The following CCSER1 variants were observed in gnomAD, a reference collection of about 807,000 sequenced individuals.
CCSER1 encodes coiled-coil serine rich protein 1, also known as serine-rich coiled-coil domain-containing protein 1.
CCSER1 carries 41 observed loss-of-function variants against 82.0 expected under a neutral mutation model. That is an observed-to-expected ratio of 0.50 (90% CI 0.39 to 0.65). The LOEUF is 0.65. Ranked by LOEUF, CCSER1 falls within the 30% of genes least tolerant of loss-of-function variation. CCSER1 has a pLI of 0.00. For synonymous variants in CCSER1, 414 were observed against 383.9 expected (o/e 1.08, Z -0.92); for missense variants, 1,119 against 1,064.2 (o/e 1.05, Z -0.72).
intron 5 of CCSER1, among the ~76,000 whole-genome samples, chr4:90,598,245 A>G (rs1308281956): frequency 6.6e-6 from 1 of 151,862 alleles, no homozygotes; most frequent in African/African-American, 2.4e-5. Flanking sequence ...GCACCAATTT[A>G]TTTTTTTATT....
chr4:90,639,289 A>C (rs1031369228), intron 6 of CCSER1, among the ~76,000 whole-genome samples: 1 of 151,786 alleles, frequency 6.6e-6, no homozygotes, highest in African/African-American at 2.4e-5. Flanking sequence ...AATATCAATA[A>C]AATTATCAAT....
chr4:90,521,813 A>G (rs569766129), intron 5 of CCSER1, among the ~76,000 whole-genome samples: 2 of 152,272 alleles, frequency 1.3e-5, no homozygotes, highest in East Asian at 3.9e-4. Context: ...CCTTTCTGAA[A>G]CAGGGGACAT....
At chr4:90,958,890 C>T (rs1581205249) in intron 9 of CCSER1, among the ~76,000 whole-genome samples, 1 of 152,264 alleles carries the variant, frequency 6.6e-6, no homozygotes, top group Non-Finnish European at 1.5e-5. Context: ...TACCATCCTT[C>T]TTCTGTCTCT....
At chr4:90,528,438 T>C (rs777255013) in intron 5 of CCSER1, among the ~76,000 whole-genome samples, 4 of 152,178 alleles carry the variant, frequency 2.6e-5, no homozygotes, top group African/African-American at 4.8e-5. Flanking sequence ...GAAACACAGC[T>C]AATAGAGAAT....
chr4:91,535,639 T>C (rs1414426588), intron 10 of CCSER1, among the ~76,000 whole-genome samples: 1 of 151,500 alleles, frequency 6.6e-6, no homozygotes, highest in Non-Finnish European at 1.5e-5. Flanking sequence ...TTAAAATCAG[T>C]AAATAAAATT....
chr4:91,481,995 A>T (rs1350717027), intron 10 of CCSER1, among the ~76,000 whole-genome samples: 1 of 152,230 alleles, frequency 6.6e-6, no homozygotes, highest in Non-Finnish European at 1.5e-5. Flanking sequence ...GAAGACATTT[A>T]TGCAGCCAGC....
rs1553940962 is a variant in CCSER1 at position 90,551,706 on chromosome 4, C to CTATATATATATA, written c.1725-76309_1725-76298dup. Reference sequence around the variant, plus strand: ...TCTCTCTCTCTCTCTCTCTCTCTCTCTATATATATATATATATATATGTAA... The same window carrying CTATATATATATA: ...TCTCTCTCTCTCTCTCTCTCTCTCTCTATATATATATATATATATATATATATATATATGTAA... On this transcript the variant is annotated intron_variant, in intron 5 of 10. Transcript: ENST00000509176. Among the ~76,000 whole-genome samples the CTATATATATATA allele has an allele frequency of 1.9e-3, 200 of 104,212 alleles. 3 individuals are homozygous for CTATATATATATA. Among genetic ancestry groups the CTATATATATATA allele is most frequent in the African/African-American group, 7.9e-3 (172 of 21,908 alleles). 68.4% of individuals were successfully genotyped at this position (104,212 alleles called of 152,430 possible).
chr4:90,334,612 G>T (rs1462324651), intron 3 of CCSER1, among the ~76,000 whole-genome samples: 1 of 151,364 alleles, frequency 6.6e-6, no homozygotes, highest in African/African-American at 2.4e-5. Context: ...ATTCAATTAT[G>T]CATTGTTTTA....
intron 10 of CCSER1, among the ~76,000 whole-genome samples, chr4:91,364,030 G>C (rs185287288): frequency 8.2e-5 from 12 of 147,180 alleles, no homozygotes; most frequent in Admixed American, 7.5e-4. Flanking sequence ...ATGGATTCCA[G>C]GATACACATG....
At chr4:91,382,078 C>T (rs1159381026) in intron 10 of CCSER1, among the ~76,000 whole-genome samples, 1 of 152,158 alleles carries the variant, frequency 6.6e-6, no homozygotes. Context: ...GTGGATATTG[C>T]TGAACAGCAA....
chr4:91,583,277 A>C (rs912860044), intron 10 of CCSER1, among the ~76,000 whole-genome samples: 1 of 151,396 alleles, frequency 6.6e-6, no homozygotes, highest in Non-Finnish European at 1.5e-5. Context: ...AAATCAATTT[A>C]ATAAAATAAT....
At chr4:90,358,291 C>T (rs1744706057) in intron 3 of CCSER1, among the ~76,000 whole-genome samples, 1 of 151,996 alleles carries the variant, frequency 6.6e-6, no homozygotes, top group South Asian at 2.1e-4. Flanking sequence ...TTACACATTC[C>T]ATGTAGTCAA....
intron 10 of CCSER1, among the ~76,000 whole-genome samples, chr4:91,396,874 T>C (rs1256735032): frequency 1.3e-5 from 2 of 151,984 alleles, no homozygotes; most frequent in Non-Finnish European, 2.9e-5. Context: ...TAAAGCCTGA[T>C]AAGATAGAAG....
intron 10 of CCSER1, among the ~76,000 whole-genome samples, chr4:91,146,634 T>G (rs1390395515): frequency 6.6e-6 from 1 of 152,118 alleles, no homozygotes; most frequent in African/African-American, 2.4e-5. Context: ...TTATATTCTT[T>G]TTTTCCCTTG....
chr4:90,851,376 G>C (rs938052599), intron 8 of CCSER1, among the ~76,000 whole-genome samples: 1 of 132,276 alleles, frequency 7.6e-6, no homozygotes, highest in Non-Finnish European at 1.5e-5. Flanking sequence ...AAAATTCAAG[G>C]TTCTTACTAG....
chr4:91,168,101 C>G (rs559992956), intron 10 of CCSER1, among the ~76,000 whole-genome samples: 40 of 149,560 alleles, frequency 2.7e-4, no homozygotes, highest in African/African-American at 9.4e-4. Flanking sequence ...TCTGCCCAGC[C>G]CCCCCGTCTG....
intron 10 of CCSER1, among the ~76,000 whole-genome samples, chr4:91,308,344 G>A (rs1745220585): frequency 6.6e-6 from 1 of 151,984 alleles, no homozygotes; most frequent in South Asian, 2.1e-4. Context: ...ACATTAAAAT[G>A]TTTAGGTACC....
chr4:90,969,930 A>T (rs925140168), intron 9 of CCSER1, among the ~76,000 whole-genome samples: 6 of 151,544 alleles, frequency 4.0e-5, no homozygotes, highest in Admixed American at 6.6e-5. Context: ...CATAAGAAAT[A>T]AAAAAAACCT....
Position 90,526,236 on chromosome 4 carries a change from T to C in CCSER1, c.1724+57882T>C, listed in dbSNP as rs540375309. 4.5e-4 allele frequency among the ~76,000 whole-genome samples: 69 copies of C among 152,266 alleles called. No homozygotes were observed. The South Asian group carries it at 7.9e-3, about 17-fold the overall frequency. On this transcript the variant is annotated intron_variant, in intron 5 of 10. Transcript: ENST00000509176. ...TGTTCTTACTGTCCTGTATGTGGTT[T>C]GCCAAAAATATTGACCACCTAAACC...
Sources: gnomAD v4.1 joint callset for allele counts (sites outside exome capture counted in the v4.1 genomes callset) on GRCh38, gnomAD v4.1.1 for gene constraint, MANE v1.5 for transcripts, NCBI Gene and HGNC (gene_info 2026-07-23, HGNC 2026-07-21) for gene names.